The following ANKH variants were observed in gnomAD, a reference collection of about 807,000 sequenced individuals.
ANKH encodes the protein mineralization regulator ANKH.
Under a neutral mutation model 49.0 loss-of-function variants are expected in ANKH, and 15 were observed. The ratio of observed to expected loss-of-function variants is 0.31; its 90% CI spans 0.20 to 0.47. ANKH has a LOEUF of 0.47. ANKH is among the 20% of genes least tolerant of loss of function. The pLI, the probability that ANKH is intolerant of heterozygous loss-of-function variation, is 1.00. For synonymous variants in ANKH, 273 were observed against 260.0 expected, an observed-to-expected ratio of 1.05 and a Z score of -0.48; for missense variants, 429 against 652.0, an observed-to-expected ratio of 0.66 and a Z score of 3.72.
chr5:14,812,559 T>C (rs955519812), intron 1 of ANKH, among the ~76,000 whole-genome samples: 12 of 152,208 alleles, frequency 7.9e-5, no homozygotes, highest in African/African-American at 2.9e-4. Flanking sequence ...AATGGGCCCC[T>C]CTGAGCCCTC....
At chr5:14,774,417 AT>A (rs907440743) in intron 1 of ANKH, among the ~76,000 whole-genome samples, 7 of 151,924 alleles carry the variant, frequency 4.6e-5, no homozygotes, top group Non-Finnish European at 1.0e-4. Flanking sequence ...TTTATTTGTG[AT>A]TTTTTTCCCA....
intron 2 of ANKH, among the ~76,000 whole-genome samples, chr5:14,759,940 AGGTGT>A (rs1382389158): frequency 6.6e-6 from 1 of 152,194 alleles, no homozygotes. Flanking sequence ...TTTTAACAGT[AGGTGT>A]GCCTACTATT....
intron 1 of ANKH, among the ~76,000 whole-genome samples, chr5:14,845,398 A>G (rs1741931550): frequency 6.6e-6 from 1 of 151,360 alleles, no homozygotes. Flanking sequence ...TTTTATTAAG[A>G]AAAAAAGACA....
intron 1 of ANKH, among the ~76,000 whole-genome samples, chr5:14,774,251 C>T (rs527904128): frequency 3.9e-5 from 6 of 152,228 alleles, no homozygotes; most frequent in East Asian, 1.9e-4. Flanking sequence ...ATTCTTACCC[C>T]GCCATAGATA....
rs1561035101 is a variant in ANKH at position 14,745,883 on chromosome 5, G to A, written c.902C>T (p.Pro301Leu). The change falls in exon 7 of 12, where the codon CCT becomes CTT. Residue 301 changes from proline to leucine, a missense_variant. This residue lies in a region of ANKH where 378 missense variants were observed against 615.3 expected (regional missense o/e 0.61). Transcript: ENST00000284268. The surrounding 1 kb of genome is among the most constrained non-coding windows in gnomAD (Gnocchi z 4.7). ...GWLTEIRAVY[P>L]AFDKNNPSNK... ...ACGGGTTCTCACCTTGTCGAAAGCA[G>A]GATACACAGCACGGATTTCCGTCAA... 1 of 1,614,212 alleles carries A rather than the reference G, an allele frequency of 6.2e-7. No homozygotes were observed. The highest frequency in any genetic ancestry group is 8.5e-7 in the Non-Finnish European group (1 of 1,180,028).
intron 7 of ANKH, among the ~76,000 whole-genome samples, chr5:14,743,387 T>G (rs943576644): frequency 5.3e-5 from 8 of 152,298 alleles, no homozygotes; most frequent in African/African-American, 1.7e-4. Flanking sequence ...GCACTGTGAT[T>G]TGCAAAATGG....
chr5:14,771,164 A>C (rs1739418064), intron 1 of ANKH, among the ~76,000 whole-genome samples: 1 of 152,258 alleles, frequency 6.6e-6, no homozygotes, highest in Non-Finnish European at 1.5e-5. Context: ...AAGACTGAAT[A>C]CAACAAAAGA....
intron 1 of ANKH, among the ~76,000 whole-genome samples, chr5:14,866,192 G>C (rs2126635873): frequency 6.6e-6 from 1 of 152,252 alleles, no homozygotes; most frequent in African/African-American, 2.4e-5. Context: ...TTTTAGTAGA[G>C]ACGGGGTTTC....
At chr5:14,835,523 G>A (rs952057914) in intron 1 of ANKH, among the ~76,000 whole-genome samples, 3 of 152,302 alleles carry the variant, frequency 2.0e-5, no homozygotes, top group Non-Finnish European at 4.4e-5. Context: ...AAGAGACTGA[G>A]GGTCCTGTTT....
intron 1 of ANKH, among the ~76,000 whole-genome samples, chr5:14,864,457 A>C (rs1362983733): frequency 6.6e-6 from 1 of 152,208 alleles, no homozygotes; most frequent in Non-Finnish European, 1.5e-5. Flanking sequence ...GAGGTATTTT[A>C]AATGCAGATG....
At chr5:14,720,515 C>G (rs372739441) in intron 8 of ANKH, among the ~76,000 whole-genome samples, 1 of 152,302 alleles carries the variant, frequency 6.6e-6, no homozygotes, top group African/African-American at 2.4e-5. Context: ...TGTCCATATC[C>G]CATCCCCACA....
At position 14,783,964 on chromosome 5, in the gene ANKH, G is replaced by A. The variant is rs117441022; in HGVS notation, c.97-14773C>T. 2.4e-4 allele frequency among the ~76,000 whole-genome samples: 37 copies of A among 152,298 alleles called. No individual in the cohort carries two copies. The East Asian group carries it at 4.0e-3, about 17-fold the overall frequency. On this transcript the variant is annotated intron_variant, in intron 1 of 11. Transcript: ENST00000284268. ...CTTGCTCCAGCCCTTTCACCTACTCGGGTAAGGGGACCAAGGAGACCCAGT... is the reference window on the plus strand; with the variant it reads ...CTTGCTCCAGCCCTTTCACCTACTCAGGTAAGGGGACCAAGGAGACCCAGT...
chr5:14,797,165 T>C, intron 1 of ANKH: 1 of 1,338,250 alleles, frequency 7.5e-7, no homozygotes. Flanking sequence ...CTTCAGGGTC[T>C]TCATCATTAT....
At chr5:14,798,419 G>C in intron 1 of ANKH, 1 of 1,548,120 alleles carries the variant, frequency 6.5e-7, no homozygotes, top group Non-Finnish European at 8.8e-7. Context: ...GGCGAGCCGG[G>C]GGAATCCTGG....
chr5:14,712,995 C>G (rs1401121906), intron 10 of ANKH, 22 bp from the exon 11 acceptor site: 1 of 1,604,230 alleles, frequency 6.2e-7, no homozygotes, highest in Admixed American at 1.7e-5. Context: ...AACACAAAGG[C>G]AATTTGTCTG....
At chr5:14,751,483 C>A (rs541781744) in intron 4 of ANKH, among the ~76,000 whole-genome samples, 1 of 152,270 alleles carries the variant, frequency 6.6e-6, no homozygotes, top group East Asian at 1.9e-4. Flanking sequence ...TTCTTTTAAG[C>A]AACTACAAAA....
chr5:14,769,624 G>GGT (rs35815515), intron 1 of ANKH, among the ~76,000 whole-genome samples: 36 of 150,716 alleles, frequency 2.4e-4, no homozygotes, highest in East Asian at 7.8e-4. Flanking sequence ...AAGAAGGGGT[G>GGT]GTGTGTGTGT....
At chr5:14,777,999 C>T (rs1739686276) in intron 1 of ANKH, among the ~76,000 whole-genome samples, 2 of 152,190 alleles carry the variant, frequency 1.3e-5, no homozygotes, top group Admixed American at 1.3e-4. Context: ...TGCAGTCCCG[C>T]TCCAGTGAAC....
chr5:14,733,987 G>A (rs1419159696), intron 8 of ANKH, among the ~76,000 whole-genome samples: 1 of 152,182 alleles, frequency 6.6e-6, no homozygotes, highest in South Asian at 2.1e-4. Context: ...GAATCATAAG[G>A]TATTAATCAT....
Sources: gnomAD v4.1 joint callset for allele counts (sites outside exome capture counted in the v4.1 genomes callset) on GRCh38, gnomAD v4.1.1 for gene constraint, gnomAD v4.1.1 regional missense constraint, Gnocchi (gnomAD v3.1) non-coding constraint, MANE v1.5 for transcripts, NCBI Gene and HGNC (gene_info 2026-07-23, HGNC 2026-07-21) for gene names.